The following LDAH variants were observed in gnomAD, a reference collection of about 807,000 sequenced individuals.
LDAH encodes the protein lipid droplet-associated hydrolase.
LDAH carries 26 observed loss-of-function variants against 29.6 expected under a neutral mutation model. That is an observed-to-expected ratio of 0.88 (90% CI 0.64 to 1.22). LDAH has a LOEUF of 1.22. LDAH is among the 50% of genes most tolerant of loss of function. The pLI is 0.00. For synonymous variants in LDAH, 117 were observed against 133.0 expected, an observed-to-expected ratio of 0.88 and a Z score of 0.83; for missense variants, 344 against 387.3, an observed-to-expected ratio of 0.89 and a Z score of 0.94.
intron 5 of LDAH, among the ~76,000 whole-genome samples, chr2:20,710,410 C>T (rs1454116282): frequency 1.3e-5 from 2 of 151,716 alleles, no homozygotes; most frequent in East Asian, 1.9e-4. Context: ...AATAGTCTTA[C>T]ATATATTAAA....
intron 1 of LDAH, among the ~76,000 whole-genome samples, chr2:20,811,319 C>A (rs1672479805): frequency 6.6e-6 from 1 of 151,520 alleles, no homozygotes; most frequent in African/African-American, 2.4e-5. Flanking sequence ...CGCCCGGACT[C>A]AACCTTCTAA....
rs1325540888 is a variant in LDAH, at chr2:20,698,358, G to A, written c.786+3212C>T. Among the ~76,000 whole-genome samples, 1 of 152,192 alleles carries A rather than the reference G, an allele frequency of 6.6e-6. No individual in the cohort carries two copies. The highest frequency in any genetic ancestry group is 1.9e-4 in the East Asian group (1 of 5,194). ...AACCAAGGACTGGGAAGGCCTCTTGGGGATGACACTAGACAAGCAGGATTT... is the reference window on the plus strand; with the variant it reads ...AACCAAGGACTGGGAAGGCCTCTTGAGGATGACACTAGACAAGCAGGATTT... On this transcript the variant is annotated intron_variant, in intron 6 of 6. Transcript: ENST00000237822. The surrounding 1 kb of genome is among the most constrained non-coding windows in gnomAD (Gnocchi z 4.4).
chr2:20,752,543 T>A (rs1454226923), intron 4 of LDAH, among the ~76,000 whole-genome samples: 1 of 151,924 alleles, frequency 6.6e-6, no homozygotes, highest in Non-Finnish European at 1.5e-5. Context: ...ATAACAAAAA[T>A]TTACACTCTG....
intron 1 of LDAH, among the ~76,000 whole-genome samples, chr2:20,801,997 T>C (rs1039163977): frequency 6.6e-6 from 1 of 151,606 alleles, no homozygotes; most frequent in Admixed American, 6.6e-5. Flanking sequence ...TATGTGTGTA[T>C]ATATATGTAT....
chr2:20,782,270 T>A (rs1183878716), intron 3 of LDAH, among the ~76,000 whole-genome samples: 2 of 152,214 alleles, frequency 1.3e-5, no homozygotes, highest in Non-Finnish European at 2.9e-5. Flanking sequence ...CATGCCAAAG[T>A]TTGAGAACAC....
At chr2:20,714,898 C>T (rs557546116) in intron 5 of LDAH, among the ~76,000 whole-genome samples, 3 of 152,216 alleles carry the variant, frequency 2.0e-5, no homozygotes, top group South Asian at 2.1e-4. Context: ...CAATGGCCTA[C>T]CAACCAAAAA....
intron 5 of LDAH, among the ~76,000 whole-genome samples, chr2:20,725,154 T>G (rs923133842): frequency 1.3e-5 from 2 of 152,138 alleles, no homozygotes; most frequent in African/African-American, 4.8e-5. Flanking sequence ...AAAAATCACT[T>G]TCTTAAAGTA....
At chr2:20,710,877 T>C (rs1055017465) in intron 5 of LDAH, among the ~76,000 whole-genome samples, 1 of 151,924 alleles carries the variant, frequency 6.6e-6, no homozygotes, top group Non-Finnish European at 1.5e-5. Flanking sequence ...CCTGTGAATA[T>C]GACATATTAC....
intron 5 of LDAH, among the ~76,000 whole-genome samples, chr2:20,733,396 T>A (rs1368742452): frequency 1.8e-5 from 2 of 111,214 alleles, no homozygotes; most frequent in African/African-American, 3.5e-5. Flanking sequence ...CATGCCTGGC[T>A]ATTTTTTTTT....
intron 4 of LDAH, among the ~76,000 whole-genome samples, chr2:20,760,573 G>T (rs1266811477): frequency 6.6e-6 from 1 of 152,204 alleles, no homozygotes; most frequent in African/African-American, 2.4e-5. Flanking sequence ...GTTGTGGAGA[G>T]GATTCAGTTC....
chr2:20,736,156 C>T (rs1666766572), intron 5 of LDAH, among the ~76,000 whole-genome samples: 1 of 152,060 alleles, frequency 6.6e-6, no homozygotes, highest in South Asian at 2.1e-4. Context: ...TATTAAAGAC[C>T]AGAGGCCAGG....
chr2:20,763,281 G>A (rs955982026), intron 4 of LDAH, among the ~76,000 whole-genome samples: 2 of 152,198 alleles, frequency 1.3e-5, no homozygotes, highest in African/African-American at 2.4e-5. Context: ...GATATGAGAA[G>A]ACAGAGCTGA....
chr2:20,804,597 T>C (rs535876495), intron 1 of LDAH, among the ~76,000 whole-genome samples: 13 of 152,338 alleles, frequency 8.5e-5, no homozygotes, highest in Non-Finnish European at 1.9e-4. Context: ...AAGTTGGTTA[T>C]AATTTATGCA....
intron 3 of LDAH, among the ~76,000 whole-genome samples, chr2:20,787,974 C>T (rs1296662829): frequency 6.6e-6 from 1 of 152,146 alleles, no homozygotes. Flanking sequence ...TGCCAAGGTG[C>T]TAACGTTTGT....
chr2:20,743,327 T>A (rs1057002028), intron 4 of LDAH, among the ~76,000 whole-genome samples: 3 of 139,260 alleles, frequency 2.2e-5, no homozygotes, highest in Non-Finnish European at 1.5e-5. Flanking sequence ...TTTTTTTTTT[T>A]ATTATACTTT....
intron 5 of LDAH, among the ~76,000 whole-genome samples, chr2:20,731,734 AGT>A (rs1290110844): frequency 2.6e-5 from 4 of 152,120 alleles, no homozygotes. Context: ...TTCTATTGCT[AGT>A]GTATGCAAAT....
At chr2:20,789,079 T>C (rs1238410099) in intron 3 of LDAH, 5 of 1,526,666 alleles carry the variant, frequency 3.3e-6, no homozygotes, top group East Asian at 2.5e-5. Context: ...TGTGCTACTC[T>C]TTCTGTCTGT....
At chr2:20,741,105 T>C (rs1395625711) in intron 4 of LDAH, among the ~76,000 whole-genome samples, 1 of 152,204 alleles carries the variant, frequency 6.6e-6, no homozygotes, top group Non-Finnish European at 1.5e-5. Flanking sequence ...TTTTGGCCCA[T>C]TTTAAAATAG....
intron 4 of LDAH, among the ~76,000 whole-genome samples, chr2:20,768,380 G>A (rs1669182569): frequency 6.6e-6 from 1 of 152,170 alleles, no homozygotes; most frequent in Admixed American, 6.5e-5. Context: ...CCTGGTGCCA[G>A]CTGGGGAAGC....
Sources: gnomAD v4.1 joint callset for allele counts (sites outside exome capture counted in the v4.1 genomes callset) on GRCh38, gnomAD v4.1.1 for gene constraint, Gnocchi (gnomAD v3.1) non-coding constraint, MANE v1.5 for transcripts, NCBI Gene and HGNC (gene_info 2026-07-23, HGNC 2026-07-21) for gene names.